SEL1L2: variants seen among roughly 807,000 people sequenced by gnomAD.
SEL1L2 encodes the protein protein sel-1 homolog 2.
In SEL1L2, 89 loss-of-function variants were observed where a neutral mutation model predicts 98.8. That is an observed-to-expected ratio of 0.90 (90% confidence interval 0.76 to 1.07). The LOEUF is 1.07. SEL1L2 is among the 50% of genes least tolerant of loss of function. The pLI, the probability that SEL1L2 is intolerant of heterozygous loss-of-function variation, is 0.00. For synonymous variants in SEL1L2, 262 were observed against 278.5 expected, an observed-to-expected ratio of 0.94 and a Z score of 0.59; for missense variants, 788 against 812.0, an observed-to-expected ratio of 0.97 and a Z score of 0.36.
chr20:13,933,822 T>G (rs1276283943), intron 2 of SEL1L2, among the ~76,000 whole-genome samples: 1 of 152,172 alleles, frequency 6.6e-6, no homozygotes, highest in East Asian at 1.9e-4. Flanking sequence ...CTTTGCTTTC[T>G]TGGTTTGCTT....
At chr20:13,950,010 A>G (rs1043561596) in intron 2 of SEL1L2, among the ~76,000 whole-genome samples, 9 of 152,204 alleles carry the variant, frequency 5.9e-5, no homozygotes, top group Non-Finnish European at 1.0e-4. Context: ...TTTAAAAAGG[A>G]AGGAAATTCT....
At chr20:13,866,640 G>A in intron 15 of SEL1L2, 62 bp downstream of exon 15, 1 of 1,307,888 alleles carries the variant, frequency 7.6e-7, no homozygotes, top group Non-Finnish European at 1.0e-6. Flanking sequence ...TTTAAGAACA[G>A]TATCACCTCC....
rs963227856 is a variant in SEL1L2 at position 13,900,689 on chromosome 20, T to A, written c.550-12177A>T. Among the ~76,000 whole-genome samples, 5 of 152,320 alleles carry A rather than the reference T, an allele frequency of 3.3e-5. No homozygotes were observed. In the South Asian group the frequency reaches 6.2e-4, roughly 19 times the overall value. ...GCCAGGACTCCCTCTCTACACGCAA[T>A]GATTCAGCTGACCAGCCCAAGACAT... On this transcript the variant is annotated intron_variant, in intron 5 of 19. Coordinates refer to ENST00000284951, the MANE Select transcript of SEL1L2 (RefSeq NM_025229.2).
intron 3 of SEL1L2, among the ~76,000 whole-genome samples, chr20:13,921,718 G>T (rs188518880): frequency 6.6e-6 from 1 of 151,790 alleles, no homozygotes; most frequent in Admixed American, 6.5e-5. Context: ...GCAAAAAAAT[G>T]TATTTATGGA....
chr20:13,906,868 G>A (rs987170634), intron 5 of SEL1L2, among the ~76,000 whole-genome samples: 2 of 151,946 alleles, frequency 1.3e-5, no homozygotes, highest in Non-Finnish European at 2.9e-5. Context: ...TAGTAGAGAC[G>A]GAGGTTCACC....
intron 1 of SEL1L2, among the ~76,000 whole-genome samples, chr20:13,961,466 T>C (rs895652280): frequency 6.6e-6 from 1 of 152,172 alleles, no homozygotes; most frequent in Non-Finnish European, 1.5e-5. Flanking sequence ...AAAAGAATTG[T>C]CCATGTGGTT....
chr20:13,913,641 T>C (rs2048291355), intron 5 of SEL1L2, 141 bp downstream of exon 5: 2 of 667,978 alleles, frequency 3.0e-6, no homozygotes, highest in Non-Finnish European at 4.5e-6. Context: ...CTGACACCAC[T>C]GTTTCAGTGC....
At position 13,865,509 on chromosome 20, in the gene SEL1L2, A is replaced by G. The variant is rs749872047; in HGVS notation, c.1410T>C (p.Tyr470=). 2 of 1,613,634 alleles carry G rather than the reference A, an allele frequency of 1.2e-6. No individual in the cohort carries two copies. The highest frequency in any genetic ancestry group is 1.7e-6 in the Non-Finnish European group (2 of 1,179,796). The part of the protein sequence containing the change: ...VRSCRTAVEL[Y]KGVCELGHWA... ...AGTGGCCTAGTTCACAGACACCTTT[A>G]TAAAGCTGTACATGAGAGGAGAAAT... The change falls in exon 16 of 20, where the codon TAT becomes TAC. Residue 470 remains tyrosine (Y), a synonymous_variant. Transcript: ENST00000284951.
In SEL1L2 at chr20:13,850,315, A is replaced by G. The variant is rs1452768808; in HGVS notation, c.1823T>C (p.Ile608Thr). ...GTCGTACAATCTTCTGGCCAAGTGA[A>G]TGTCCTAGAAGGAGAAGAATAGCCC... is the stretch of plus-strand genomic sequence containing the variant. ...YEHGLGITKD[I>T]HLARRLYDMA... Residue 608 changes from isoleucine to threonine, a missense_variant, in exon 19 of 20, where the codon ATT becomes ACT. Physicochemically the swap from Ile to Thr is moderately conservative, Grantham distance 89. Coordinates refer to ENST00000284951, the MANE Select transcript of SEL1L2 (RefSeq NM_025229.2). 1 of 1,614,014 alleles carries G rather than the reference A, an allele frequency of 6.2e-7. No individual in the cohort carries two copies. The highest frequency in any genetic ancestry group is 2.2e-5 in the East Asian group (1 of 44,888).
intron 3 of SEL1L2, chr20:13,927,984 T>A (rs2048971682): frequency 1.3e-5 from 2 of 152,188 alleles, no homozygotes; most frequent in Admixed American, 6.5e-5. Flanking sequence ...TTACAAAACG[T>A]TTATGAGGAA....
chr20:13,931,395 C>A (rs1317576821), intron 3 of SEL1L2, among the ~76,000 whole-genome samples: 1 of 151,434 alleles, frequency 6.6e-6, no homozygotes, highest in African/African-American at 2.4e-5. Context: ...CAGCTGCACT[C>A]CAGCCTGGAT....
intron 1 of SEL1L2, among the ~76,000 whole-genome samples, chr20:13,968,883 A>T (rs1051493802): frequency 6.6e-6 from 1 of 152,230 alleles, no homozygotes; most frequent in African/African-American, 2.4e-5. Context: ...AATGTTGAAA[A>T]AACTGTTGTA....
rs1215356717 is a variant in SEL1L2 at position 13,906,669 on chromosome 20, T to C, written c.549+7113A>G. On this transcript the variant is annotated intron_variant, in intron 5 of 19. Coordinates refer to ENST00000284951, the MANE Select transcript of SEL1L2 (RefSeq NM_025229.2). ...ACCTATAGTCTCTCTGTGAAATGCTTCTGTATTTTAATTTTTTAAATTTTT... is the reference window on the plus strand; with the variant it reads ...ACCTATAGTCTCTCTGTGAAATGCTCCTGTATTTTAATTTTTTAAATTTTT... 2.6e-5 allele frequency among the ~76,000 whole-genome samples: 4 copies of C among 152,242 alleles called. No individual in the cohort carries two copies. The East Asian group carries it at 7.7e-4, about 29-fold the overall frequency.
chr20:13,859,221 A>G (rs1467427638), intron 18 of SEL1L2, 41 bp downstream of exon 18: 2 of 1,550,570 alleles, frequency 1.3e-6, no homozygotes, highest in Non-Finnish European at 1.8e-6. Context: ...CTTCTCACAC[A>G]GCTGTCATTA....
At chr20:13,891,602 G>T (rs991973170) in intron 5 of SEL1L2, among the ~76,000 whole-genome samples, 1 of 148,396 alleles carries the variant, frequency 6.7e-6, no homozygotes, top group Non-Finnish European at 1.5e-5. Context: ...AGGAGGTGGA[G>T]GTTGCAGTGA....
chr20:13,849,348 A>C lies in SEL1L2; in HGVS notation c.*137T>G. 1.8e-6 allele frequency: 2 copies of C among 1,130,924 alleles called. No homozygotes were observed. The highest frequency in any genetic ancestry group is 1.5e-5 in the South Asian group (1 of 66,630). The allele number at this position is 1,130,924 out of a possible 1,614,324, so 70.1% of individuals were successfully genotyped here. On this transcript the variant is annotated 3_prime_UTR_variant, in exon 20 of 20. Coordinates refer to ENST00000284951, the MANE Select transcript of SEL1L2 (RefSeq NM_025229.2). ...AGTTGTTTCTCTAGGATGGTCCCCA[A>C]GTCTTGTCTGTTTCCCATCACAGCC... is the stretch of plus-strand genomic sequence containing the variant.
intron 12 of SEL1L2, 79 bp downstream of exon 12, chr20:13,875,959 G>A: frequency 8.9e-7 from 1 of 1,123,692 alleles, no homozygotes; most frequent in South Asian, 1.2e-5. Flanking sequence ...GGACTTCGAA[G>A]TCAATTCTTT....
intron 2 of SEL1L2, among the ~76,000 whole-genome samples, chr20:13,937,515 A>T (rs1300645557): frequency 6.6e-6 from 1 of 151,984 alleles, no homozygotes; most frequent in Admixed American, 6.6e-5. Context: ...TGCTGAGTTT[A>T]TTTTTTCCTT....
intron 5 of SEL1L2, among the ~76,000 whole-genome samples, chr20:13,889,116 C>A (rs1034685112): frequency 6.6e-6 from 1 of 151,792 alleles, no homozygotes; most frequent in South Asian, 2.1e-4. Context: ...CCCACCACCA[C>A]ACTGGCTAAT....
Sources: gnomAD v4.1 joint callset for allele counts (sites outside exome capture counted in the v4.1 genomes callset) on GRCh38, gnomAD v4.1.1 for gene constraint, MANE v1.5 for transcripts, NCBI Gene and HGNC (gene_info 2026-07-23, HGNC 2026-07-21) for gene names.